TRPS1: variants seen among roughly 807,000 people sequenced by gnomAD.
The protein encoded by TRPS1 is zinc finger transcription factor Trps1.
A neutral mutation model predicts 101.2 loss-of-function variants in TRPS1; 6 were observed. That is an observed-to-expected ratio of 0.06 (90% CI 0.03 to 0.12). TRPS1 has a LOEUF of 0.12. TRPS1 is among the 10% of genes least tolerant of loss of function. The pLI is 1.00. For synonymous variants in TRPS1, 578 were observed against 589.8 expected (o/e 0.98, Z 0.29); for missense variants, 1,363 against 1,567.0 (o/e 0.87, Z 2.20).
At chr8:115,590,594 T>C (rs1817658472) in intron 4 of TRPS1, among the ~76,000 whole-genome samples, 1 of 152,186 alleles carries the variant, frequency 6.6e-6, no homozygotes, top group African/African-American at 2.4e-5. Flanking sequence ...AAAATTATTT[T>C]CAAACGGTAG....
intron 5 of TRPS1, among the ~76,000 whole-genome samples, chr8:115,559,739 T>A (rs182713601): frequency 7.9e-4 from 121 of 152,226 alleles, no homozygotes; most frequent in Admixed American, 3.9e-3. Flanking sequence ...TTTTATTTTT[T>A]AAAAAATGTC....
At chr8:115,433,984 T>G (rs1167271825) in intron 5 of TRPS1, among the ~76,000 whole-genome samples, 1 of 182 alleles carries the variant, frequency 5.5e-3, no homozygotes, top group Non-Finnish European at 0.012. Flanking sequence ...CAGAATCTTT[T>G]CACCTGAGTA....
At chr8:115,626,129 A>C (rs187472180) in intron 1 of TRPS1, among the ~76,000 whole-genome samples, 141 of 151,830 alleles carry the variant, frequency 9.3e-4, no homozygotes, top group African/African-American at 3.3e-3. Context: ...GTTTCTTTTG[A>C]TCAAAAGTCC....
chr8:115,663,721 GAAA>G (rs1201864123), intron 1 of TRPS1, among the ~76,000 whole-genome samples: 3 of 76,820 alleles, frequency 3.9e-5, no homozygotes, highest in African/African-American at 3.6e-5. Context: ...CTTGGAAAAG[GAAA>G]AAAAAAAAAA....
Position 115,409,271 on chromosome 8 carries a change from A to AAAAAAAAAC in TRPS1, c.*4751_*4752insGTTTTTTTT, listed in dbSNP as rs1812730300. 1.3e-5 allele frequency: 2 copies of AAAAAAAAAC among 149,512 alleles called. No homozygotes were observed. The highest frequency in any genetic ancestry group is 4.9e-5 in the African/African-American group (2 of 40,840). 9.3% of individuals were successfully genotyped at this position (149,512 alleles called of 1,614,324 possible). Reference sequence around the variant, plus strand: ...CAGTTTATATGTTGGGAAAAAAAAAAAAAAAAAAAACAGGGGAAAACCAGA... The same window carrying AAAAAAAAAC: ...CAGTTTATATGTTGGGAAAAAAAAAAAAAAAAAACAAAAAAAAAACAGGGGAAAACCAGA... On this transcript the variant is annotated 3_prime_UTR_variant, in exon 7 of 7. Transcript: ENST00000395715.
intron 5 of TRPS1, among the ~76,000 whole-genome samples, chr8:115,478,242 T>G (rs563251077): frequency 6.6e-6 from 1 of 152,356 alleles, no homozygotes; most frequent in South Asian, 2.1e-4. Context: ...AAATTTATAT[T>G]CCTTTTCTCA....
chr8:115,513,818 T>TA (rs1815643237), intron 5 of TRPS1, among the ~76,000 whole-genome samples: 1 of 151,668 alleles, frequency 6.6e-6, no homozygotes, highest in South Asian at 2.1e-4. Context: ...TCCTATATTA[T>TA]AGGTGTCTTC....
At chr8:115,500,646 TGCAAGCTCC>T (rs1222962725) in intron 5 of TRPS1, among the ~76,000 whole-genome samples, 1 of 152,118 alleles carries the variant, frequency 6.6e-6, no homozygotes, top group Non-Finnish European at 1.5e-5. Flanking sequence ...CTCAGCTCAC[TGCAAGCTCC>T]GCCTCCCGGG....
In TRPS1 at chr8:115,479,062, T is replaced by TG. The variant is rs1050661491; in HGVS notation, c.2701-60611dup. 1.3e-4 allele frequency among the ~76,000 whole-genome samples: 20 copies of TG among 151,426 alleles called. No homozygotes were observed. The South Asian group carries it at 4.0e-3, about 30-fold the overall frequency. ...TACTATGCACAAGCCACGAGTATTT[T>TG]GGGGGGAAAAATAATAAATCAGGCA... On this transcript the variant is annotated intron_variant, in intron 5 of 6. Coordinates refer to ENST00000395715, the MANE Select transcript of TRPS1 (RefSeq NM_014112.5).
intron 5 of TRPS1, among the ~76,000 whole-genome samples, chr8:115,548,154 A>C (rs1300101424): frequency 6.6e-6 from 1 of 152,012 alleles, no homozygotes; most frequent in Admixed American, 6.6e-5. Context: ...GGATCACTGA[A>C]ACTCAGGAGG....
chr8:115,520,967 G>A (rs1586359312), intron 5 of TRPS1, among the ~76,000 whole-genome samples: 1 of 151,438 alleles, frequency 6.6e-6, no homozygotes, highest in Non-Finnish European at 1.5e-5. Context: ...ACTATTCTTC[G>A]ACAGTTTTGG....
At chr8:115,496,424 C>G (rs969240520) in intron 5 of TRPS1, among the ~76,000 whole-genome samples, 11 of 152,156 alleles carry the variant, frequency 7.2e-5, no homozygotes, top group African/African-American at 2.6e-4. Context: ...ATAAGGTTTC[C>G]TTTGCAAACA....
chr8:115,484,499 C>T (rs1814830910), intron 5 of TRPS1, among the ~76,000 whole-genome samples: 1 of 152,192 alleles, frequency 6.6e-6, no homozygotes, highest in Non-Finnish European at 1.5e-5. Flanking sequence ...CAAATAAGGA[C>T]ACAAAGTCAG....
chr8:115,422,939 T>C (rs1216381448), intron 5 of TRPS1, among the ~76,000 whole-genome samples: 1 of 152,200 alleles, frequency 6.6e-6, no homozygotes, highest in Non-Finnish European at 1.5e-5. Context: ...AGCTAGCCGA[T>C]AACACCAATT....
chr8:115,631,894 G>A (rs2737227), intron 1 of TRPS1, among the ~76,000 whole-genome samples: 110,768 of 151,980 alleles, frequency 0.73, 41,689 homozygotes, highest in African/African-American at 0.92. Flanking sequence ...ATAGCTCTAG[G>A]TCCATGGGCA....
intron 5 of TRPS1, among the ~76,000 whole-genome samples, chr8:115,490,958 A>T (rs1815006508): frequency 6.6e-6 from 1 of 152,216 alleles, no homozygotes; most frequent in Non-Finnish European, 1.5e-5. Context: ...ACACGGGATG[A>T]AGGACCAAAC....
intron 5 of TRPS1, among the ~76,000 whole-genome samples, chr8:115,534,389 C>T (rs1329903812): frequency 6.8e-6 from 1 of 147,802 alleles, no homozygotes; most frequent in African/African-American, 2.5e-5. Context: ...GCTCTAACCC[C>T]GATACCATCA....
Position 115,531,795 on chromosome 8 carries a change from C to A in TRPS1, c.2700+55206G>T, listed in dbSNP as rs558157220. ...ATAACATGGGCAGTCAAATAAAGACCAGTAAAAGGATCGCTGAGCACAAGT... is the reference window on the plus strand; with the variant it reads ...ATAACATGGGCAGTCAAATAAAGACAAGTAAAAGGATCGCTGAGCACAAGT... On this transcript the variant is annotated intron_variant, in intron 5 of 6. Coordinates refer to ENST00000395715, the MANE Select transcript of TRPS1 (RefSeq NM_014112.5). Among the ~76,000 whole-genome samples, 9 of 152,088 alleles carry A rather than the reference C, an allele frequency of 5.9e-5. No individual in the cohort carries two copies. The East Asian group carries it at 1.7e-3, about 29-fold the overall frequency.
At chr8:115,515,352 T>G in intron 5 of TRPS1, 1 of 674,998 alleles carries the variant, frequency 1.5e-6, no homozygotes, top group South Asian at 1.6e-5. Context: ...GTGGAAAGAA[T>G]TTAAGAACCT....
Sources: gnomAD v4.1 joint callset for allele counts (sites outside exome capture counted in the v4.1 genomes callset) on GRCh38, gnomAD v4.1.1 for gene constraint, MANE v1.5 for transcripts, NCBI Gene and HGNC (gene_info 2026-07-23, HGNC 2026-07-21) for gene names.